SSBP3: variants seen among roughly 807,000 people sequenced by gnomAD.
SSBP3 encodes single-stranded DNA-binding protein 3.
In SSBP3, 5 loss-of-function variants were observed where a neutral mutation model predicts 69.6. The observed-to-expected ratio is 0.07, with a 90% CI of 0.04 to 0.15. The LOEUF is 0.15. Among genes scored for constraint, SSBP3 ranks in the 10% least tolerant of loss-of-function variants. SSBP3 has a pLI of 1.00. For missense variants in SSBP3, 312 were observed against 534.0 expected (o/e 0.58, Z 4.10); for synonymous variants, 196 against 193.4 (o/e 1.01, Z -0.11).
chr1:54,292,786 T>C (rs1645631972), intron 4 of SSBP3, among the ~76,000 whole-genome samples: 1 of 152,002 alleles, frequency 6.6e-6, no homozygotes, highest in Non-Finnish European at 1.5e-5. Context: ...TGTGTCTGTC[T>C]CTGGGGCAGG....
intron 5 of SSBP3, among the ~76,000 whole-genome samples, chr1:54,278,956 G>T (rs956286778): frequency 1.3e-5 from 2 of 152,240 alleles, no homozygotes. Flanking sequence ...GAAATGGGCA[G>T]CCAGTACCTC....
At chr1:54,299,502 C>CTT (rs35333516) in intron 4 of SSBP3, among the ~76,000 whole-genome samples, 1 of 145,854 alleles carries the variant, frequency 6.9e-6, no homozygotes, top group Non-Finnish European at 1.5e-5. Context: ...ATAGAGGTGG[C>CTT]TTTTTTTTTT....
intron 4 of SSBP3, among the ~76,000 whole-genome samples, chr1:54,343,807 C>T (rs978547275): frequency 1.3e-5 from 2 of 152,190 alleles, no homozygotes; most frequent in South Asian, 2.1e-4. Flanking sequence ...CACCCCACCC[C>T]GTCTACCCAA....
At chr1:54,237,884 T>C in intron 14 of SSBP3, 1 of 343,360 alleles carries the variant, frequency 2.9e-6, no homozygotes, top group Admixed American at 3.8e-5. Context: ...TCACAAGTCC[T>C]GATGCCAGCA....
chr1:54,406,257 C>G (rs1450459834), exon 1 of SSBP3: 11 of 351,456 alleles, frequency 3.1e-5, no homozygotes, highest in Non-Finnish European at 4.5e-5. Flanking sequence ...CGCGCCGGCT[C>G]GGCCTGGGGG....
intron 4 of SSBP3, among the ~76,000 whole-genome samples, chr1:54,332,590 G>T (rs922140159): frequency 6.6e-6 from 1 of 152,126 alleles, no homozygotes; most frequent in Non-Finnish European, 1.5e-5. Flanking sequence ...CTAGCTATGT[G>T]GCCTCTAAGA....
chr1:54,228,406 C>T, intron 16 of SSBP3, 43 bp downstream of exon 16: 1 of 1,614,178 alleles, frequency 6.2e-7, no homozygotes, highest in Non-Finnish European at 8.5e-7. Context: ...ACAACCTGCC[C>T]ACACAGATGG....
upstream of SSBP3, among the ~76,000 whole-genome samples, chr1:54,410,541 A>G (rs998457232): frequency 1.3e-5 from 2 of 152,190 alleles, no homozygotes; most frequent in African/African-American, 4.8e-5. Flanking sequence ...TGCACCCGGC[A>G]CGCTCAGTCC....
At chr1:54,281,934 A>G (rs1339914145) in intron 4 of SSBP3, among the ~76,000 whole-genome samples, 5 of 152,016 alleles carry the variant, frequency 3.3e-5, no homozygotes, top group African/African-American at 1.2e-4. Flanking sequence ...CCGTCCCTAC[A>G]AAAAATAAAA....
intron 5 of SSBP3, among the ~76,000 whole-genome samples, chr1:54,268,715 A>T (rs1232514221): frequency 6.6e-6 from 1 of 152,224 alleles, no homozygotes; most frequent in Non-Finnish European, 1.5e-5. Flanking sequence ...GAATGGCCCA[A>T]GACCTCTTCC....
Position 54,235,448 on chromosome 1 carries a change from A to ATTTTTT in SSBP3, c.927+3675_927+3680dup, listed in dbSNP as rs71580002. ...AGGCGTGTACCACCATGCCCGGCTGATTTTTTTTTTTTTTTTTTTTTTTTT... is the reference window on the plus strand; with the variant it reads ...AGGCGTGTACCACCATGCCCGGCTGATTTTTTTTTTTTTTTTTTTTTTTTTTTTTTT... On this transcript the variant is annotated intron_variant, in intron 14 of 17. Transcript: ENST00000610401. Among the ~76,000 whole-genome samples the ATTTTTT allele has an allele frequency of 3.4e-3, 236 of 69,918 alleles. 9 individuals carry two copies. Among genetic ancestry groups the ATTTTTT allele is most frequent in the African/African-American group, 0.014 (210 of 15,242 alleles). The allele number at this position is 69,918 out of a possible 152,430, so 45.9% of individuals were successfully genotyped here.
At chr1:54,225,498 CATA>C in exon 18 of SSBP3, 2 of 1,107,016 alleles carry the variant, frequency 1.8e-6, no homozygotes, top group Non-Finnish European at 1.1e-6. Context: ...TACAATGTAT[CATA>C]ATTACTTTTT....
At chr1:54,279,160 C>T (rs1362952318) in intron 5 of SSBP3, among the ~76,000 whole-genome samples, 2 of 152,192 alleles carry the variant, frequency 1.3e-5, no homozygotes, top group African/African-American at 4.8e-5. Context: ...AGACATTGCT[C>T]TCTGCTGTCT....
At chr1:54,306,842 G>A (rs1434804356) in intron 4 of SSBP3, among the ~76,000 whole-genome samples, 2 of 152,142 alleles carry the variant, frequency 1.3e-5, no homozygotes, top group African/African-American at 4.8e-5. Context: ...TCACAGAGCA[G>A]GAAACTGAGG....
chr1:54,249,160 T>C (rs912649037), intron 9 of SSBP3, among the ~76,000 whole-genome samples: 1 of 152,212 alleles, frequency 6.6e-6, no homozygotes, highest in Admixed American at 6.5e-5. Flanking sequence ...AGTCCTGAAC[T>C]GCCAGCACAC....
chr1:54,305,282 A>G (rs1389064880), intron 4 of SSBP3, among the ~76,000 whole-genome samples: 1 of 152,088 alleles, frequency 6.6e-6, no homozygotes, highest in Non-Finnish European at 1.5e-5. Context: ...GCCCTTCCCA[A>G]TATCACTGGT....
At chr1:54,310,490 G>T (rs1359760001) in intron 4 of SSBP3, among the ~76,000 whole-genome samples, 1 of 152,160 alleles carries the variant, frequency 6.6e-6, no homozygotes, top group African/African-American at 2.4e-5. Flanking sequence ...TTTAAGAAGG[G>T]TTTTTAATTG....
In SSBP3 at chr1:54,248,230, G is replaced by T. The variant is rs141230460; in HGVS notation, c.651+3386C>A. Among the ~76,000 whole-genome samples, 823 of 152,326 alleles carry T rather than the reference G, an allele frequency of 5.4e-3. 12 individuals carry two copies. Among genetic ancestry groups the T allele is most frequent in the African/African-American group, 0.019 (787 of 41,578 alleles). Reference sequence around the variant, plus strand: ...GCCTGGTCTCAGCACAGCACTGTGTGTGTTGTGGTGCTTACTTTATGCTGA... The same window carrying T: ...GCCTGGTCTCAGCACAGCACTGTGTTTGTTGTGGTGCTTACTTTATGCTGA... On this transcript the variant is annotated intron_variant, in intron 9 of 17. Transcript: ENST00000610401.
At chr1:54,241,540 C>T in intron 11 of SSBP3, 31 bp from the exon 12 acceptor site, 1 of 1,612,692 alleles carries the variant, frequency 6.2e-7, no homozygotes, top group Non-Finnish European at 8.5e-7. Flanking sequence ...AGCCCCACGT[C>T]AGAGTCACTG....
Sources: gnomAD v4.1 joint callset for allele counts (sites outside exome capture counted in the v4.1 genomes callset) on GRCh38, gnomAD v4.1.1 for gene constraint, MANE v1.5 for transcripts, NCBI Gene and HGNC (gene_info 2026-07-23, HGNC 2026-07-21) for gene names.